DCC: variants seen among roughly 807,000 people sequenced by gnomAD.
DCC encodes the protein DCC netrin 1 receptor.
A neutral mutation model predicts 172.5 loss-of-function variants in DCC; 58 were observed. That is an observed-to-expected ratio of 0.34 (90% CI 0.27 to 0.42). The LOEUF (loss-of-function observed/expected upper bound fraction) is 0.42. Among genes scored for constraint, DCC ranks in the 10% least tolerant of loss-of-function variants. DCC has a pLI of 1.00. For synonymous variants in DCC, 709 were observed against 644.5 expected (o/e 1.10, Z -1.52); for missense variants, 1,740 against 1,791.0 (o/e 0.97, Z 0.51).
intron 1 of DCC, among the ~76,000 whole-genome samples, chr18:52,612,150 C>G (rs1281730313): frequency 6.6e-6 from 1 of 152,132 alleles, no homozygotes. Context: ...TCAGATCTCT[C>G]GAAATTAATC....
At chr18:53,397,672 G>T (rs1018856388) in intron 18 of DCC, among the ~76,000 whole-genome samples, 1 of 152,016 alleles carries the variant, frequency 6.6e-6, no homozygotes, top group African/African-American at 2.4e-5. Context: ...ATTAATACAC[G>T]GTTTCTTCAG....
chr18:52,889,440 G>A (rs1346970), intron 2 of DCC, among the ~76,000 whole-genome samples: 136,707 of 152,074 alleles, frequency 0.9, 61,881 homozygotes, highest in Middle Eastern at 0.97. Context: ...GTGCTGTGCT[G>A]GGCTGAGACT....
chr18:52,533,969 G>C (rs1033740614), intron 1 of DCC, among the ~76,000 whole-genome samples: 5 of 152,000 alleles, frequency 3.3e-5, no homozygotes, highest in African/African-American at 1.2e-4. Flanking sequence ...TGTGGACTTT[G>C]TGACTGGCTT....
chr18:52,862,264 C>T (rs556148848), intron 2 of DCC, among the ~76,000 whole-genome samples: 23 of 151,774 alleles, frequency 1.5e-4, no homozygotes, highest in South Asian at 1.0e-3. Context: ...ATTTTAGATT[C>T]GAAATTAAAT....
chr18:52,860,792 G>A (rs2039128965), intron 2 of DCC, among the ~76,000 whole-genome samples: 1 of 152,150 alleles, frequency 6.6e-6, no homozygotes, highest in African/African-American at 2.4e-5. Flanking sequence ...GAGGTCAGGA[G>A]ACCGAGACCA....
chr18:52,874,036 A>G (rs2145389727), intron 2 of DCC, among the ~76,000 whole-genome samples: 1 of 152,250 alleles, frequency 6.6e-6, no homozygotes, highest in Middle Eastern at 3.4e-3. Flanking sequence ...ATCAGTGAGT[A>G]CAGAACTTGT....
chr18:52,869,584 C>T (rs1040594187), intron 2 of DCC, among the ~76,000 whole-genome samples: 4 of 152,212 alleles, frequency 2.6e-5, no homozygotes, highest in Non-Finnish European at 4.4e-5. Context: ...TGCCCAGGAG[C>T]CTGTCTGCCT....
chr18:52,512,666 C>G (rs1034344197), intron 1 of DCC, among the ~76,000 whole-genome samples: 1 of 152,014 alleles, frequency 6.6e-6, no homozygotes, highest in African/African-American at 2.4e-5. Context: ...AGGCAGAAGC[C>G]CTGTCCTGAT....
intron 1 of DCC, among the ~76,000 whole-genome samples, chr18:52,617,819 T>C (rs1417110053): frequency 6.6e-5 from 10 of 152,152 alleles, no homozygotes; most frequent in Non-Finnish European, 1.3e-4. Flanking sequence ...AAGAGAAGCT[T>C]ATTTTGCTTA....
chr18:53,219,474 A>C (rs1373432508), intron 12 of DCC, among the ~76,000 whole-genome samples: 1 of 152,142 alleles, frequency 6.6e-6, no homozygotes, highest in Non-Finnish European at 1.5e-5. Flanking sequence ...CCAAAACCCC[A>C]GTATATTATG....
At chr18:53,299,063 T>C (rs1005368604) in intron 12 of DCC, among the ~76,000 whole-genome samples, 10 of 152,194 alleles carry the variant, frequency 6.6e-5, no homozygotes, top group Non-Finnish European at 1.5e-5. Context: ...CCATGACTAT[T>C]CTTTTAATTC....
chr18:53,098,567 A>G (rs2043119688), intron 7 of DCC, among the ~76,000 whole-genome samples: 1 of 152,176 alleles, frequency 6.6e-6, no homozygotes, highest in Admixed American at 6.6e-5. Context: ...TTGGGCTAGC[A>G]CAGAACTGAT....
At chr18:52,545,981 G>A (rs73448985) in intron 1 of DCC, among the ~76,000 whole-genome samples, 550 of 152,222 alleles carry the variant, frequency 3.6e-3, no homozygotes, top group Middle Eastern at 0.014. Flanking sequence ...ACCAATGCCC[G>A]TCATTTAAGT....
At chr18:52,494,962 T>C (rs1444606597) in intron 1 of DCC, among the ~76,000 whole-genome samples, 2 of 152,136 alleles carry the variant, frequency 1.3e-5, no homozygotes, top group Non-Finnish European at 2.9e-5. Context: ...ACTAGGAAGA[T>C]AAAGTGGGAG....
At chr18:53,388,417 C>T (rs778696867) in intron 16 of DCC, among the ~76,000 whole-genome samples, 4 of 152,264 alleles carry the variant, frequency 2.6e-5, no homozygotes, top group African/African-American at 2.4e-5. Flanking sequence ...AACAAGGGCC[C>T]GTGTAAAGTA....
At chr18:52,610,171 AAAAAAAAATAT>A (rs2034233955) in intron 1 of DCC, among the ~76,000 whole-genome samples, 1 of 24,886 alleles carries the variant, frequency 4.0e-5, no homozygotes, top group Non-Finnish European at 7.1e-5. Context: ...AAAAAAAAAA[AAAAAAAAATAT>A]ATATATATAT....
At chr18:52,396,664 T>A (rs1385759533) in intron 1 of DCC, among the ~76,000 whole-genome samples, 1 of 152,066 alleles carries the variant, frequency 6.6e-6, no homozygotes, top group Non-Finnish European at 1.5e-5. Context: ...CCTTTTTATA[T>A]CATTATAGAA....
chr18:53,014,404 G>C (rs2041775999), intron 5 of DCC, among the ~76,000 whole-genome samples: 1 of 148,392 alleles, frequency 6.7e-6, no homozygotes. Context: ...TTAACATTAG[G>C]TATATCTCCT....
At chr18:52,426,369 C>A (rs12455835) in intron 1 of DCC, among the ~76,000 whole-genome samples, 4,719 of 149,640 alleles carry the variant, frequency 0.032, 152 homozygotes, top group Admixed American at 0.088. Flanking sequence ...CATTTGACAT[C>A]TTTGAGAATC....
Sources: allele counts gnomAD v4.1 joint callset (sites outside exome capture counted in the v4.1 genomes callset), GRCh38; gene constraint gnomAD v4.1.1; transcripts MANE v1.5; gene names NCBI Gene and HGNC (gene_info 2026-07-23, HGNC 2026-07-21).